Variants in AP3S1 observed in about 807,000 individuals in gnomAD.
AP3S1 encodes the protein adaptor related protein complex 3 subunit sigma 1.
A neutral mutation model predicts 21.3 loss-of-function variants in AP3S1; 12 were observed. The observed-to-expected ratio is 0.56, with a 90% CI of 0.36 to 0.91. AP3S1 has a LOEUF of 0.91. Among genes scored for constraint, AP3S1 ranks in the 40% least tolerant of loss-of-function variants. AP3S1 has a pLI of 0.01. For missense variants in AP3S1, 116 were observed against 225.0 expected, an observed-to-expected ratio of 0.52 and a Z score of 3.10; for synonymous variants, 48 against 78.4, an observed-to-expected ratio of 0.61 and a Z score of 2.05.
intron 3 of AP3S1, among the ~76,000 whole-genome samples, chr5:115,875,652 G>A (rs1047331935): frequency 2.0e-5 from 3 of 152,160 alleles, no homozygotes; most frequent in Admixed American, 6.6e-5. Context: ...GGAGCAAGAG[G>A]GATTCCTGGC....
chr5:115,901,392 C>CTT (rs35793318), intron 4 of AP3S1, among the ~76,000 whole-genome samples: 2 of 111,652 alleles, frequency 1.8e-5, no homozygotes, highest in South Asian at 3.0e-4. Flanking sequence ...TGCCTATATT[C>CTT]TTTTTTTTTT....
intron 4 of AP3S1, among the ~76,000 whole-genome samples, chr5:115,902,661 A>G (rs547068690): frequency 2.0e-5 from 3 of 152,192 alleles, no homozygotes; most frequent in South Asian, 4.1e-4. Flanking sequence ...AGGTAGTACT[A>G]TTGTTTTTGT....
rs1036792046 is a variant in AP3S1 at position 115,852,191 on chromosome 5, A to T, written c.69+10085A>T. ...CAGAATGAATTATCTCTTTTATTTT[A>T]TTTTTTTTCCAAAAACCCCAGTGTT... is the stretch of plus-strand genomic sequence containing the variant. On this transcript the variant is annotated intron_variant, in intron 1 of 5. Transcript: ENST00000316788. Among the ~76,000 whole-genome samples, 10 of 151,696 alleles carry T rather than the reference A, an allele frequency of 6.6e-5. 1 individual carries two copies. Among genetic ancestry groups the T allele is most frequent in the African/African-American group, 2.4e-4 (10 of 41,298 alleles).
At chr5:115,870,635 G>T (rs1307044036) in intron 3 of AP3S1, among the ~76,000 whole-genome samples, 1 of 152,188 alleles carries the variant, frequency 6.6e-6, no homozygotes, top group Non-Finnish European at 1.5e-5. Flanking sequence ...GCCTGGAGGT[G>T]TAATCTTAGC....
intron 1 of AP3S1, among the ~76,000 whole-genome samples, chr5:115,843,990 A>G (rs1357849336): frequency 6.6e-6 from 1 of 152,234 alleles, no homozygotes; most frequent in Non-Finnish European, 1.5e-5. Flanking sequence ...CAGAGCTAGA[A>G]GATATAAAAA....
chr5:115,900,532 C>T (rs1467117723), intron 4 of AP3S1, among the ~76,000 whole-genome samples: 1 of 152,136 alleles, frequency 6.6e-6, no homozygotes, highest in Non-Finnish European at 1.5e-5. Flanking sequence ...TTCTAGGAGC[C>T]CTGATTCCTT....
At chr5:115,877,047 A>G (rs1015387677) in intron 3 of AP3S1, among the ~76,000 whole-genome samples, 2 of 152,268 alleles carry the variant, frequency 1.3e-5, no homozygotes, top group East Asian at 1.9e-4. Context: ...ATATTTGTTA[A>G]TTCATCTTAA....
chr5:115,880,707 C>G (rs185241728), intron 3 of AP3S1, among the ~76,000 whole-genome samples: 262 of 152,174 alleles, frequency 1.7e-3, no homozygotes, highest in African/African-American at 6.1e-3. Context: ...CTGTAGATGT[C>G]TATTAGGTCC....
At chr5:115,852,207 C>A (rs1361515417) in intron 1 of AP3S1, among the ~76,000 whole-genome samples, 1 of 151,846 alleles carries the variant, frequency 6.6e-6, no homozygotes, top group Non-Finnish European at 1.5e-5. Flanking sequence ...TTTCCAAAAA[C>A]CCCAGTGTTT....
chr5:115,891,215 C>G (rs770855569), intron 3 of AP3S1, among the ~76,000 whole-genome samples: 14 of 152,148 alleles, frequency 9.2e-5, no homozygotes, highest in Admixed American at 6.5e-5. Flanking sequence ...TGTGGCTGAC[C>G]TGTTGTAAAG....
rs187225237 is a variant in AP3S1, at chr5:115,858,227, G to A, written c.70-8443G>A. Among the ~76,000 whole-genome samples, 618 of 152,264 alleles carry A rather than the reference G, an allele frequency of 4.1e-3. 3 individuals carry two copies. Among genetic ancestry groups the A allele is most frequent in the Non-Finnish European group, 7.0e-3 (474 of 68,020 alleles). ...AGCAATTTCTTGAGAAAAAGGTCATGGGAAGTAGATTTTTTGTGATCTGGC... is the reference window on the plus strand; with the variant it reads ...AGCAATTTCTTGAGAAAAAGGTCATAGGAAGTAGATTTTTTGTGATCTGGC... On this transcript the variant is annotated intron_variant, in intron 1 of 5. Transcript: ENST00000316788.
At chr5:115,904,275 A>C (rs894864185) in intron 5 of AP3S1, among the ~76,000 whole-genome samples, 10 of 152,316 alleles carry the variant, frequency 6.6e-5, no homozygotes, top group African/African-American at 2.2e-4. Flanking sequence ...GGTTTTAAAA[A>C]TACACTGGCA....
intron 3 of AP3S1, among the ~76,000 whole-genome samples, chr5:115,870,547 A>G (rs1200294430): frequency 2.0e-5 from 3 of 152,174 alleles, no homozygotes; most frequent in Non-Finnish European, 4.4e-5. Context: ...TCTAAATTAA[A>G]TCTTGCTTCC....
At chr5:115,855,170 G>GGGACTACA (rs1762718134) in intron 1 of AP3S1, among the ~76,000 whole-genome samples, 1 of 151,882 alleles carries the variant, frequency 6.6e-6, no homozygotes, top group Non-Finnish European at 1.5e-5. Context: ...CTGAGTAGCT[G>GGGACTACA]GGACTACAGG....
chr5:115,913,326 A>T lies in AP3S1; in HGVS notation c.454-36A>T, dbSNP rs959673778. ...TTATGATGAGCTACACCTGAGTTGTACATTTTCTTTTTCTTTTATTTGCTT... is the reference window on the plus strand; with the variant it reads ...TTATGATGAGCTACACCTGAGTTGTTCATTTTCTTTTTCTTTTATTTGCTT... On this transcript the variant is annotated intron_variant, in intron 5 of 5. Coordinates refer to ENST00000316788, the MANE Select transcript of AP3S1 (RefSeq NM_001284.4). 5 of 1,141,304 alleles carry T rather than the reference A, an allele frequency of 4.4e-6. No homozygotes were observed. In the African/African-American group the frequency reaches 7.9e-5, roughly 18 times the overall value. 70.7% of individuals were successfully genotyped at this position (1,141,304 alleles called of 1,614,324 possible).
intron 3 of AP3S1, among the ~76,000 whole-genome samples, chr5:115,889,895 C>T (rs1580712150): frequency 6.6e-6 from 1 of 152,010 alleles, no homozygotes; most frequent in Admixed American, 6.6e-5. Flanking sequence ...ATGGGTAATA[C>T]AAATGAAAAG....
intron 3 of AP3S1, among the ~76,000 whole-genome samples, chr5:115,877,515 T>C (rs1273289542): frequency 6.6e-6 from 1 of 152,198 alleles, no homozygotes; most frequent in African/African-American, 2.4e-5. Flanking sequence ...TCCATGTCCC[T>C]GCAAAGGACA....
In AP3S1 at chr5:115,870,068, A is replaced by G; in HGVS notation, c.213A>G (p.Leu71=). Residue 71 remains leucine (L), a synonymous_variant, in exon 3 of 6, where the codon TTA becomes TTG. Coordinates refer to ENST00000316788, the MANE Select transcript of AP3S1 (RefSeq NM_001284.4). The part of the protein sequence containing the change: ...NKLIYRHYAT[L]YFVFCVDSSE... ...TGATTTATAGACATTATGCAACGTT[A>G]TATTTTGTCTTCTGTGTGGATTCTT... 1.2e-6 allele frequency: 2 copies of G among 1,609,342 alleles called. No individual in the cohort carries two copies. Among genetic ancestry groups the G allele is most frequent in the Non-Finnish European group, 1.7e-6 (2 of 1,178,846 alleles).
intron 3 of AP3S1, among the ~76,000 whole-genome samples, chr5:115,889,656 A>G (rs1432382793): frequency 1.3e-5 from 2 of 152,234 alleles, no homozygotes; most frequent in African/African-American, 4.8e-5. Context: ...TACATATGAC[A>G]AAAGACTGTA....
Sources: gnomAD v4.1 joint callset for allele counts (sites outside exome capture counted in the v4.1 genomes callset) on GRCh38, gnomAD v4.1.1 for gene constraint, MANE v1.5 for transcripts, NCBI Gene and HGNC (gene_info 2026-07-23, HGNC 2026-07-21) for gene names.